SCLT1: variants seen among roughly 807,000 people sequenced by gnomAD.
SCLT1 encodes sodium channel-associated protein 1.
A neutral mutation model predicts 112.8 loss-of-function variants in SCLT1; 78 were observed. The ratio of observed to expected loss-of-function variants is 0.69; its 90% CI spans 0.58 to 0.83. The LOEUF (loss-of-function observed/expected upper bound fraction) is 0.83, where lower values mean the gene tolerates loss of function less well. SCLT1 is among the 40% of genes least tolerant of loss of function. The pLI is 0.00. For synonymous variants in SCLT1, 257 were observed against 254.7 expected, an observed-to-expected ratio of 1.01 and a Z score of -0.09; for missense variants, 747 against 770.4, an observed-to-expected ratio of 0.97 and a Z score of 0.36.
chr4:129,002,018 A>G (rs1297483920), intron 6 of SCLT1, among the ~76,000 whole-genome samples: 1 of 152,030 alleles, frequency 6.6e-6, no homozygotes, highest in Non-Finnish European at 1.5e-5. Flanking sequence ...AAAAAAAATT[A>G]GTGTTAAATA....
intron 1 of SCLT1, among the ~76,000 whole-genome samples, chr4:129,086,321 A>G (rs201138462): frequency 0.3 from 14,154 of 47,490 alleles, 811 homozygotes; most frequent in South Asian, 0.5. Context: ...ATGTATATAT[A>G]TATATATATA....
chr4:128,952,204 T>C (rs1738817442), intron 14 of SCLT1: 2 of 383,452 alleles, frequency 5.2e-6, no homozygotes, highest in South Asian at 4.1e-5. Context: ...ATACAGGGAG[T>C]CAGAAAAGAT....
At chr4:128,950,215 T>C (rs1738605190) in intron 14 of SCLT1, among the ~76,000 whole-genome samples, 1 of 152,128 alleles carries the variant, frequency 6.6e-6, no homozygotes. Flanking sequence ...TCCCATGTGA[T>C]TTTTAATATA....
chr4:128,949,627 G>A (rs1163887294), intron 14 of SCLT1, among the ~76,000 whole-genome samples: 1 of 152,012 alleles, frequency 6.6e-6, no homozygotes, highest in Admixed American at 6.6e-5. Context: ...AGAACATGCG[G>A]TGTTTGGTTT....
chr4:129,072,927 T>G (rs1751148986), intron 2 of SCLT1, among the ~76,000 whole-genome samples: 1 of 152,142 alleles, frequency 6.6e-6, no homozygotes, highest in South Asian at 2.1e-4. Context: ...CTCATTTAGG[T>G]AGGCTCTATC....
At chr4:128,883,190 G>C (rs901236082), downstream of SCLT1, among the ~76,000 whole-genome samples, 1 of 148,120 alleles carries the variant, frequency 6.8e-6, no homozygotes, top group Non-Finnish European at 1.5e-5. Context: ...TACATGCAGA[G>C]AGACCCTGTA....
intron 2 of SCLT1, among the ~76,000 whole-genome samples, chr4:129,065,944 T>C (rs945014723): frequency 6.6e-6 from 1 of 152,032 alleles, no homozygotes; most frequent in African/African-American, 2.4e-5. Flanking sequence ...TATGCATATA[T>C]GCAAACTTGA....
At chr4:129,076,068 T>A (rs1751438151) in intron 2 of SCLT1, among the ~76,000 whole-genome samples, 1 of 152,148 alleles carries the variant, frequency 6.6e-6, no homozygotes, top group Non-Finnish European at 1.5e-5. Context: ...ACCACCTCCA[T>A]AATAACATAC....
intron 2 of SCLT1, among the ~76,000 whole-genome samples, chr4:129,048,811 T>G (rs1420308843): frequency 6.6e-6 from 1 of 152,044 alleles, no homozygotes. Flanking sequence ...CATCAAAAAG[T>G]GGGCAAAGGA....
chr4:129,072,897 G>T (rs1751147316), intron 2 of SCLT1, among the ~76,000 whole-genome samples: 1 of 151,946 alleles, frequency 6.6e-6, no homozygotes, highest in Admixed American at 6.6e-5. Flanking sequence ...ATATTATCAG[G>T]GTTGGTGTTC....
At chr4:129,025,352 T>G (rs1440174061) in intron 5 of SCLT1, among the ~76,000 whole-genome samples, 1 of 152,156 alleles carries the variant, frequency 6.6e-6, no homozygotes, top group Non-Finnish European at 1.5e-5. Flanking sequence ...GCGGATCTCT[T>G]GGCAGAAACG....
intron 5 of SCLT1, among the ~76,000 whole-genome samples, chr4:129,021,079 G>C (rs1384723888): frequency 6.6e-6 from 1 of 152,198 alleles, no homozygotes; most frequent in Non-Finnish European, 1.5e-5. Context: ...GGACTGGTTA[G>C]GCAGTGGGTC....
At chr4:129,003,617 T>A in intron 6 of SCLT1, 124 bp downstream of exon 6, 1 of 813,722 alleles carries the variant, frequency 1.2e-6, no homozygotes, top group Non-Finnish European at 1.8e-6. Context: ...ACGATTCTTA[T>A]AAACTGTAAA....
chr4:128,948,335 CAAAAAAAAAAA>C (rs11312069), intron 15 of SCLT1, among the ~76,000 whole-genome samples, 150 bp downstream of exon 15: 2 of 47,962 alleles, frequency 4.2e-5, no homozygotes, highest in East Asian at 5.8e-4. Flanking sequence ...GACTCCATTG[CAAAAAAAAAAA>C]AAAAAAAAAA....
rs1042600170 is a variant in SCLT1 at position 129,023,927 on chromosome 4, C to T, written c.290+15114G>A. 8.5e-5 allele frequency among the ~76,000 whole-genome samples: 13 copies of T among 152,336 alleles called. 2 individuals are homozygous for T. The South Asian group carries it at 1.4e-3, about 17-fold the overall frequency. On this transcript the variant is annotated intron_variant, in intron 5 of 20. Transcript: ENST00000281142. ...GGAGGGTCCTACGCCCACGGAGTCT[C>T]GCTGATTGCTAGCACAGCAGTATTG...
intron 20 of SCLT1, among the ~76,000 whole-genome samples, chr4:128,888,314 C>A (rs1733047373): frequency 6.6e-6 from 1 of 151,400 alleles, no homozygotes; most frequent in Non-Finnish European, 1.5e-5. Context: ...CTTCTTGGGC[C>A]CACGCCATCC....
At chr4:128,905,032 C>T (rs1404012196) in intron 18 of SCLT1, among the ~76,000 whole-genome samples, 6 of 152,116 alleles carry the variant, frequency 3.9e-5, no homozygotes, top group Non-Finnish European at 8.8e-5. Flanking sequence ...AAATTTCTAT[C>T]TTTAGCCTGA....
intron 11 of SCLT1, among the ~76,000 whole-genome samples, chr4:128,960,140 T>G (rs1739558049): frequency 1.3e-5 from 2 of 152,176 alleles, no homozygotes; most frequent in South Asian, 4.1e-4. Flanking sequence ...AGAAATGAGT[T>G]GTTCTTTACA....
chr4:128,906,207 C>CT (rs975550807), intron 18 of SCLT1, among the ~76,000 whole-genome samples: 3 of 151,816 alleles, frequency 2.0e-5, no homozygotes, highest in East Asian at 1.9e-4. Context: ...ATTATATTTT[C>CT]TTTTTTTTGA....
Sources: allele counts gnomAD v4.1 joint callset (sites outside exome capture counted in the v4.1 genomes callset), GRCh38; gene constraint gnomAD v4.1.1; transcripts MANE v1.5; gene names NCBI Gene and HGNC (gene_info 2026-07-23, HGNC 2026-07-21).